DEUP1: variants seen among roughly 807,000 people sequenced by gnomAD.
The protein encoded by DEUP1 is deuterosome assembly protein 1.
A neutral mutation model predicts 87.4 loss-of-function variants in DEUP1; 82 were observed. That is an observed-to-expected ratio of 0.94 (90% CI 0.78 to 1.13). The LOEUF is 1.13. Among genes scored for constraint, DEUP1 ranks in the 50% most tolerant of loss-of-function variants. The pLI, the probability that DEUP1 is intolerant of heterozygous loss-of-function variation, is 0.00. For missense variants in DEUP1, 663 were observed against 681.5 expected (o/e 0.97, Z 0.30); for synonymous variants, 214 against 222.7 (o/e 0.96, Z 0.35).
At chr11:93,405,189 C>T (rs1947233460) in intron 11 of DEUP1, among the ~76,000 whole-genome samples, 1 of 151,716 alleles carries the variant, frequency 6.6e-6, no homozygotes, top group Non-Finnish European at 1.5e-5. Context: ...AATTTTGAGT[C>T]TTATTCTCAA....
intron 12 of DEUP1, among the ~76,000 whole-genome samples, chr11:93,414,080 T>G (rs575209321): frequency 6.6e-6 from 1 of 152,188 alleles, no homozygotes; most frequent in Non-Finnish European, 1.5e-5. Flanking sequence ...AACCCTTTTA[T>G]AAGTGAGAAA....
chr11:93,415,190 A>T, intron 13 of DEUP1, 76 bp downstream of exon 13: 1 of 867,794 alleles, frequency 1.2e-6, no homozygotes, highest in Non-Finnish European at 1.9e-6. Flanking sequence ...CAATAAACTG[A>T]CGTACATAGT....
At chr11:93,420,030 T>C (rs1947819924) in intron 13 of DEUP1, among the ~76,000 whole-genome samples, 1 of 151,956 alleles carries the variant, frequency 6.6e-6, no homozygotes, top group African/African-American at 2.4e-5. Flanking sequence ...TTCCAATCAA[T>C]AGAAAAAGAG....
intron 2 of DEUP1, among the ~76,000 whole-genome samples, chr11:93,350,852 A>G (rs1944592858): frequency 6.6e-6 from 1 of 151,836 alleles, no homozygotes; most frequent in Non-Finnish European, 1.5e-5. Flanking sequence ...GCTACTCGGG[A>G]GGCTGAGGCC....
At position 93,396,120 on chromosome 11, in the gene DEUP1, C is replaced by T. The variant is rs1204530869; in HGVS notation, c.1240-119C>T. 9 of 677,942 alleles carry T rather than the reference C, an allele frequency of 1.3e-5. No homozygotes were observed. In the East Asian group the frequency reaches 1.4e-4, roughly 10 times the overall value. The allele number at this position is 677,942 out of a possible 1,614,324, so 42.0% of individuals were successfully genotyped here. On this transcript the variant is annotated intron_variant, in intron 10 of 13. Coordinates refer to ENST00000298050, the MANE Select transcript of DEUP1 (RefSeq NM_181645.4). ...AATACCTGAATGTTATTGGTCGTAC[C>T]GAAGAAGTGTTTCCCTTCATTACAC... is the stretch of plus-strand genomic sequence containing the variant.
At chr11:93,363,587 A>G (rs1249937311) in intron 4 of DEUP1, among the ~76,000 whole-genome samples, 3 of 151,904 alleles carry the variant, frequency 2.0e-5, no homozygotes, top group Non-Finnish European at 4.4e-5. Context: ...CTTTGAATCT[A>G]TTATTTGAAG....
intron 11 of DEUP1, among the ~76,000 whole-genome samples, chr11:93,396,724 G>C (rs919231562): frequency 3.9e-5 from 6 of 152,186 alleles, no homozygotes; most frequent in Non-Finnish European, 5.9e-5. Flanking sequence ...GTTCTGACTT[G>C]TTTTGTTGCT....
intron 4 of DEUP1, chr11:93,357,576 A>C (rs2134220675): frequency 6.6e-6 from 1 of 152,460 alleles, no homozygotes; most frequent in East Asian, 1.9e-4. Context: ...CACACAAAGA[A>C]GGCACACAAA....
chr11:93,405,504 T>C (rs1947244746), intron 11 of DEUP1, among the ~76,000 whole-genome samples: 1 of 151,936 alleles, frequency 6.6e-6, no homozygotes, highest in Non-Finnish European at 1.5e-5. Context: ...CCTGTATTGA[T>C]TTGTGGAAAA....
At chr11:93,400,720 T>C (rs997958544) in intron 11 of DEUP1, among the ~76,000 whole-genome samples, 4 of 152,108 alleles carry the variant, frequency 2.6e-5, no homozygotes, top group Non-Finnish European at 4.4e-5. Flanking sequence ...GAAATGAAGA[T>C]CTGCAGACTT....
At position 93,417,954 on chromosome 11, in the gene DEUP1, G is replaced by T. The variant is rs1004963665; in HGVS notation, c.1638+2840G>T. 6.6e-5 allele frequency among the ~76,000 whole-genome samples: 10 copies of T among 150,686 alleles called. 1 individual carries two copies. The highest frequency in any genetic ancestry group is 6.6e-4 in the Admixed American group (10 of 15,138). On this transcript the variant is annotated intron_variant, in intron 13 of 13. Transcript: ENST00000298050. The stretch of plus-strand genomic sequence containing the variant: ...GAAAGGATTCCCTATTTAATAAATG[G>T]TGCTGGGAAAACTGGCTAGCCATAT...
intron 4 of DEUP1, among the ~76,000 whole-genome samples, chr11:93,360,405 A>G (rs921535685): frequency 6.6e-6 from 1 of 152,234 alleles, no homozygotes; most frequent in African/African-American, 2.4e-5. Context: ...ATCAATAAAA[A>G]TCATTCATTA....
chr11:93,434,704 A>T (rs1241295937), intron 13 of DEUP1, among the ~76,000 whole-genome samples: 1 of 152,184 alleles, frequency 6.6e-6, no homozygotes, highest in Non-Finnish European at 1.5e-5. Context: ...GAGCCTAAAG[A>T]TACATAGACA....
At chr11:93,399,472 A>G (rs556970148) in intron 11 of DEUP1, among the ~76,000 whole-genome samples, 1 of 151,946 alleles carries the variant, frequency 6.6e-6, no homozygotes, top group South Asian at 2.1e-4. Context: ...TATGTTTTTC[A>G]AAAAGATCTT....
At position 93,392,974 on chromosome 11, in the gene DEUP1, C is replaced by T. The variant is rs188742221; in HGVS notation, c.1042-1485C>T. On this transcript the variant is annotated intron_variant, in intron 9 of 13. Transcript: ENST00000298050. ...CCTCCTCTTCCTCCTCCTCTTCCTC[C>T]TCCTCCGAGCCCTCCTCCTCCTCCT... Among the ~76,000 whole-genome samples, 457 of 146,428 alleles carry T rather than the reference C, an allele frequency of 3.1e-3. 1 individual carries two copies. Among genetic ancestry groups the T allele is most frequent in the African/African-American group, 0.011 (435 of 40,228 alleles).
At chr11:93,391,399 A>AT (rs995223725) in intron 9 of DEUP1, among the ~76,000 whole-genome samples, 10 of 152,050 alleles carry the variant, frequency 6.6e-5, no homozygotes, top group Non-Finnish European at 1.3e-4. Context: ...TAGTATATTC[A>AT]TTTTTTTATA....
At chr11:93,419,023 G>T (rs529005962) in intron 13 of DEUP1, among the ~76,000 whole-genome samples, 10 of 150,200 alleles carry the variant, frequency 6.7e-5, no homozygotes, top group Non-Finnish European at 1.3e-4. Context: ...CACACTCTGG[G>T]GACTGTTGTG....
At chr11:93,367,606 G>A (rs1458583897) in intron 5 of DEUP1, among the ~76,000 whole-genome samples, 2 of 152,012 alleles carry the variant, frequency 1.3e-5, no homozygotes, top group Admixed American at 1.3e-4. Flanking sequence ...TATATTCCTT[G>A]ATTTTTTCTT....
At chr11:93,373,617 A>G (rs1437572971) in intron 7 of DEUP1, among the ~76,000 whole-genome samples, 3 of 29,968 alleles carry the variant, frequency 1.0e-4, no homozygotes, top group Non-Finnish European at 3.5e-4. Context: ...ATATATGTAT[A>G]TATATACGTA....
Sources: allele counts gnomAD v4.1 joint callset (sites outside exome capture counted in the v4.1 genomes callset), GRCh38; gene constraint gnomAD v4.1.1; transcripts MANE v1.5; gene names NCBI Gene and HGNC (gene_info 2026-07-23, HGNC 2026-07-21).